NUDT13: variants seen among roughly 807,000 people sequenced by gnomAD.
NUDT13 encodes NAD(P)H pyrophosphatase NUDT13, mitochondrial.
In NUDT13, 40 loss-of-function variants were observed where a neutral mutation model predicts 41.7. The observed-to-expected ratio is 0.96, with a 90% CI of 0.75 to 1.25. NUDT13 has a LOEUF of 1.25. Among genes scored for constraint, NUDT13 ranks in the 50% most tolerant of loss-of-function variants. The pLI is 0.00. For missense variants in NUDT13, 390 were observed against 416.1 expected (o/e 0.94, Z 0.55); for synonymous variants, 145 against 155.5 (o/e 0.93, Z 0.50).
chr10:73,115,252 C>T (rs1842480476), intron 2 of NUDT13: 1 of 152,194 alleles, frequency 6.6e-6, no homozygotes, highest in Non-Finnish European at 1.5e-5. Context: ...TCTTGGCTCA[C>T]TGAAGCCTTG....
intron 1 of NUDT13, among the ~76,000 whole-genome samples, chr10:73,111,451 A>T (rs1384335833): frequency 6.6e-6 from 1 of 152,038 alleles, no homozygotes; most frequent in Non-Finnish European, 1.5e-5. Flanking sequence ...TCGGCTCACT[A>T]CAAGATGGGC....
chr10:73,120,616 C>T (rs1225172098), intron 3 of NUDT13, among the ~76,000 whole-genome samples: 1 of 152,116 alleles, frequency 6.6e-6, no homozygotes, highest in Non-Finnish European at 1.5e-5. Flanking sequence ...ATTCCAGCCT[C>T]CACAGAGGTA....
At chr10:73,115,874 T>C (rs1187334756) in intron 2 of NUDT13, among the ~76,000 whole-genome samples, 2 of 152,180 alleles carry the variant, frequency 1.3e-5, no homozygotes, top group African/African-American at 2.4e-5. Flanking sequence ...TAAAGACTTT[T>C]TTGTCTTAGC....
At chr10:73,123,577 G>T (rs1842698218) in intron 4 of NUDT13, among the ~76,000 whole-genome samples, 1 of 152,178 alleles carries the variant, frequency 6.6e-6, no homozygotes, top group South Asian at 2.1e-4. Flanking sequence ...AACAAAAATA[G>T]AGATTGCTGG....
intron 1 of NUDT13, among the ~76,000 whole-genome samples, chr10:73,112,446 G>T (rs1842390003): frequency 6.6e-6 from 1 of 151,774 alleles, no homozygotes; most frequent in Admixed American, 6.6e-5. Flanking sequence ...ATTAGGTCAT[G>T]TTAACCAACT....
chr10:73,124,937 T>C, intron 5 of NUDT13, 181 bp from the exon 6 acceptor site: 1 of 553,452 alleles, frequency 1.8e-6, no homozygotes, highest in Non-Finnish European at 3.0e-6. Context: ...TTTCTGATGC[T>C]AGAGGAATAT....
Position 73,131,267 on chromosome 10 carries a change from G to A in NUDT13, c.*364G>A, listed in dbSNP as rs968370536. ...TTGTGTTTACACTAACTGCCAAAAT[G>A]TGCCTGTTGTAAGTTTGGTTAAAAC... On this transcript the variant is annotated 3_prime_UTR_variant, in exon 9 of 9. Coordinates refer to ENST00000357321, the MANE Select transcript of NUDT13 (RefSeq NM_015901.6). 1 of 193,064 alleles carries A rather than the reference G, an allele frequency of 5.2e-6. No homozygotes were observed. The highest frequency in any genetic ancestry group is 1.1e-5 in the Non-Finnish European group (1 of 90,812). The allele number at this position is 193,064 out of a possible 1,614,324, so 12.0% of individuals were successfully genotyped here.
chr10:73,127,699 T>C (rs564298803), intron 8 of NUDT13, among the ~76,000 whole-genome samples: 1 of 151,476 alleles, frequency 6.6e-6, no homozygotes, highest in East Asian at 2.0e-4. Flanking sequence ...CTTACAAAAG[T>C]TTCCTCCCAC....
intron 7 of NUDT13, 168 bp downstream of exon 7, chr10:73,125,677 A>ATATATATATATATATATAT (rs1491142220): frequency 1.3e-4 from 21 of 167,284 alleles, no homozygotes; most frequent in African/African-American, 4.7e-4. Flanking sequence ...ATATATATAT[A>ATATATATATATATATATAT]AAATTTTTTC....
At chr10:73,117,498 A>G (rs1027888774) in intron 2 of NUDT13, among the ~76,000 whole-genome samples, 2 of 151,274 alleles carry the variant, frequency 1.3e-5, no homozygotes, top group Non-Finnish European at 2.9e-5. Context: ...CAGAGGTTAC[A>G]GTGAGCCAAG....
rs763909090 is a variant in NUDT13 at position 73,122,326 on chromosome 10, C to G, written c.358+17C>G. ...CCATAAGTGGTACATGACATTATTC[C>G]TAACGGGTACTTCCCAGTGGTCTTC... On this transcript the variant is annotated intron_variant, in intron 4 of 8. Coordinates refer to ENST00000357321, the MANE Select transcript of NUDT13 (RefSeq NM_015901.6). 14 of 1,599,700 alleles carry G rather than the reference C, an allele frequency of 8.8e-6. No individual in the cohort carries two copies. The East Asian group carries it at 3.1e-4, about 36-fold the overall frequency.
In NUDT13 at chr10:73,116,737, G is replaced by A. The variant is rs116114373; in HGVS notation, c.83+2289G>A. ...AGCCTGCATGATAGAGTGAGACCCT[G>A]TCTCAAAGAAAAAAAATTAGAAGCA... On this transcript the variant is annotated intron_variant, in intron 2 of 8. Coordinates refer to ENST00000357321, the MANE Select transcript of NUDT13 (RefSeq NM_015901.6). 5.1e-4 allele frequency among the ~76,000 whole-genome samples: 77 copies of A among 151,948 alleles called. 1 individual carries two copies. Among genetic ancestry groups the A allele is most frequent in the African/African-American group, 1.8e-3 (76 of 41,454 alleles).
intron 7 of NUDT13, 30 bp from the exon 8 acceptor site, chr10:73,126,643 G>A: frequency 1.2e-6 from 2 of 1,612,454 alleles, no homozygotes; most frequent in Non-Finnish European, 1.7e-6. Flanking sequence ...AGCCTACAGG[G>A]CTGTCCTGAA....
intron 1 of NUDT13, among the ~76,000 whole-genome samples, chr10:73,111,143 CT>C (rs1001014552): frequency 3.3e-5 from 5 of 151,864 alleles, no homozygotes; most frequent in African/African-American, 1.2e-4. Flanking sequence ...CGCCCAGCCA[CT>C]TTTTTTTGTA....
chr10:73,128,084 A>G (rs895351561), intron 8 of NUDT13, among the ~76,000 whole-genome samples: 5 of 152,142 alleles, frequency 3.3e-5, no homozygotes, highest in African/African-American at 7.2e-5. Flanking sequence ...CTTTGGGCCT[A>G]TCTATCTTGT....
At chr10:73,123,370 TTC>T (rs1340175684) in intron 4 of NUDT13, among the ~76,000 whole-genome samples, 1 of 152,202 alleles carries the variant, frequency 6.6e-6, no homozygotes, top group African/African-American at 2.4e-5. Flanking sequence ...CAGGCTTTCC[TTC>T]TGTCTTTAAT....
At chr10:73,127,336 G>A (rs1324164533) in intron 8 of NUDT13, among the ~76,000 whole-genome samples, 4 of 151,796 alleles carry the variant, frequency 2.6e-5, no homozygotes, top group African/African-American at 9.7e-5. Flanking sequence ...CTGAGGTCGC[G>A]CTACTGCACT....
At chr10:73,125,651 T>TTTTATATATATATATATATATATATATA (rs1842754397) in intron 7 of NUDT13, 142 bp downstream of exon 7, 1 of 195,548 alleles carries the variant, frequency 5.1e-6, no homozygotes, top group African/African-American at 2.9e-5. Context: ...TTCTGGCATT[T>TTTTATATATATATATATATATATATATA]TATATATATA....
intron 1 of NUDT13, among the ~76,000 whole-genome samples, chr10:73,112,516 A>G (rs945616124): frequency 3.3e-5 from 5 of 151,886 alleles, no homozygotes; most frequent in Middle Eastern, 3.2e-3. Flanking sequence ...AAAGTATAAT[A>G]TATACTTTTT....
Sources: gnomAD v4.1 joint callset for allele counts (sites outside exome capture counted in the v4.1 genomes callset) on GRCh38, gnomAD v4.1.1 for gene constraint, MANE v1.5 for transcripts, NCBI Gene and HGNC (gene_info 2026-07-23, HGNC 2026-07-21) for gene names.